SPATA16: variants seen among roughly 807,000 people sequenced by gnomAD.
The protein encoded by SPATA16 is spermatogenesis-associated protein 16.
A neutral mutation model predicts 63.3 loss-of-function variants in SPATA16; 36 were observed. The observed-to-expected ratio is 0.57, with a 90% CI of 0.44 to 0.75. SPATA16 has a LOEUF of 0.75. Ranked by LOEUF, SPATA16 falls within the 30% of genes least tolerant of loss-of-function variation. SPATA16 has a pLI of 0.00. For synonymous variants in SPATA16, 203 were observed against 216.7 expected (o/e 0.94, Z 0.56); for missense variants, 646 against 679.3 (o/e 0.95, Z 0.54).
intron 2 of SPATA16, among the ~76,000 whole-genome samples, chr3:173,099,302 C>G (rs746838694): frequency 4.4e-4 from 67 of 152,098 alleles, no homozygotes; most frequent in Non-Finnish European, 5.3e-4. Flanking sequence ...GAGACAGAGA[C>G]AGACCATATT....
chr3:173,039,269 A>C (rs1735784881), intron 3 of SPATA16, among the ~76,000 whole-genome samples: 1 of 152,174 alleles, frequency 6.6e-6, no homozygotes, highest in African/African-American at 2.4e-5. Context: ...GATATATTAG[A>C]AAGTAAAAAA....
At chr3:172,912,726 A>G (rs1031622353) in intron 10 of SPATA16, among the ~76,000 whole-genome samples, 1 of 152,204 alleles carries the variant, frequency 6.6e-6, no homozygotes, top group African/African-American at 2.4e-5. Context: ...CATATATACA[A>G]TACGTGTGAA....
rs1404724036 is a variant in SPATA16, at chr3:173,066,499, A to G, written c.613-17405T>C. Among the ~76,000 whole-genome samples the G allele has an allele frequency of 2.6e-5, 4 of 152,244 alleles. No individual in the cohort carries two copies. The South Asian group carries it at 8.3e-4, about 32-fold the overall frequency. On this transcript the variant is annotated intron_variant, in intron 2 of 10. Transcript: ENST00000351008. ...ACTGGGGGAAAGAGGGAAGGGAGCA[A>G]AAGACATTTCCTAGTAAGCCAGGGA...
chr3:172,910,037 TACA>T lies in SPATA16; in HGVS notation c.1587+3621_1587+3623del, dbSNP rs371365606. 6.8e-3 allele frequency among the ~76,000 whole-genome samples: 1,031 copies of T among 152,104 alleles called. 8 individuals are homozygous for T. The highest frequency in any genetic ancestry group is 0.011 in the Non-Finnish European group (724 of 67,988). ...GATTTGTAAATACAAATATTTACTG[TACA>T]AATGCAATTTTTTTGGGAGAGGTAA... On this transcript the variant is annotated intron_variant, in intron 10 of 10. Coordinates refer to ENST00000351008, the MANE Select transcript of SPATA16 (RefSeq NM_031955.6).
At chr3:172,929,441 G>A (rs1399079035) in intron 6 of SPATA16, among the ~76,000 whole-genome samples, 1 of 152,076 alleles carries the variant, frequency 6.6e-6, no homozygotes, top group Admixed American at 6.5e-5. Context: ...ATATTTTATT[G>A]TACTCCAGAA....
intron 3 of SPATA16, among the ~76,000 whole-genome samples, chr3:173,042,807 A>G (rs185802176): frequency 2.0e-4 from 30 of 152,248 alleles, no homozygotes; most frequent in African/African-American, 6.5e-4. Flanking sequence ...TTAATTTCCA[A>G]GTATTTGGAG....
At chr3:173,008,489 C>T (rs1157198209) in intron 4 of SPATA16, among the ~76,000 whole-genome samples, 2 of 152,044 alleles carry the variant, frequency 1.3e-5, no homozygotes, top group Non-Finnish European at 2.9e-5. Flanking sequence ...AGAGCTGTTG[C>T]AATTGTCTGA....
rs16846616 is a variant in SPATA16, at chr3:173,117,292, C to T, written c.440G>A (p.Gly147Glu). Residue 147 changes from glycine (G) to glutamate (E), a missense_variant, in exon 2 of 11, where the codon GGG becomes GAG. Physicochemically the swap from Gly to Glu is moderately conservative, Grantham distance 98. Coordinates refer to ENST00000351008, the MANE Select transcript of SPATA16 (RefSeq NM_031955.6). ...YEFVESFMST[G>E]SQPTCQAAEI... ...AGCAGCTTGGCATGTTGGCTGACTC[C>T]CAGTAGACATGAAGGACTCTACAAA... 0.12 allele frequency: 190,166 copies of T among 1,613,978 alleles called. 12,919 individuals are homozygous for T. The highest frequency in any genetic ancestry group is 0.32 in the East Asian group (14,258 of 44,848).
rs1425281408 is a variant in SPATA16, at chr3:172,925,553, T to C, written c.1082-61A>G. 5.6e-6 allele frequency: 9 copies of C among 1,607,066 alleles called. No homozygotes were observed. In the Admixed American group the frequency reaches 1.5e-4, roughly 27 times the overall value. On this transcript the variant is annotated intron_variant, in intron 6 of 10. Transcript: ENST00000351008. ...TTATGGTTTTAATATTTTTAGGGTT[T>C]TCCCCCCCAGATTTCAGGAATTGTA...
intron 2 of SPATA16, among the ~76,000 whole-genome samples, chr3:173,107,470 T>C (rs1350355773): frequency 1.3e-5 from 2 of 151,650 alleles, no homozygotes. Context: ...TTTTTTTTTT[T>C]ACTCCCTAAG....
At chr3:173,016,942 A>C (rs528213535) in intron 4 of SPATA16, among the ~76,000 whole-genome samples, 1 of 151,708 alleles carries the variant, frequency 6.6e-6, no homozygotes, top group African/African-American at 2.4e-5. Flanking sequence ...TGAACCTGAG[A>C]GGTGGAGGTT....
At chr3:172,918,853 C>T (rs923554472) in intron 8 of SPATA16, among the ~76,000 whole-genome samples, 1 of 151,928 alleles carries the variant, frequency 6.6e-6, no homozygotes, top group Non-Finnish European at 1.5e-5. Flanking sequence ...AGGTTTCAGT[C>T]AGAGAACTGT....
chr3:172,982,381 T>C (rs1250089520), intron 4 of SPATA16, among the ~76,000 whole-genome samples: 2 of 152,216 alleles, frequency 1.3e-5, no homozygotes, highest in Non-Finnish European at 2.9e-5. Flanking sequence ...GATGTATTTA[T>C]GGCATAAATT....
At chr3:173,078,919 C>G (rs1736867458) in intron 2 of SPATA16, among the ~76,000 whole-genome samples, 1 of 152,116 alleles carries the variant, frequency 6.6e-6, no homozygotes, top group African/African-American at 2.4e-5. Context: ...GAAAACAGGT[C>G]TGCAGACAAG....
At chr3:172,950,408 TAAG>T (rs1412547548) in intron 6 of SPATA16, among the ~76,000 whole-genome samples, 4 of 152,340 alleles carry the variant, frequency 2.6e-5, no homozygotes, top group African/African-American at 7.2e-5. Context: ...TTTCTGATTC[TAAG>T]AAGAATTCTG....
chr3:172,912,348 G>C (rs1732387190), intron 10 of SPATA16, among the ~76,000 whole-genome samples: 1 of 152,158 alleles, frequency 6.6e-6, no homozygotes, highest in Admixed American at 6.5e-5. Context: ...ATACAGGCAA[G>C]AGCTGTGCCT....
chr3:173,032,679 C>T (rs1034193846), intron 3 of SPATA16, among the ~76,000 whole-genome samples: 1 of 152,102 alleles, frequency 6.6e-6, no homozygotes, highest in Non-Finnish European at 1.5e-5. Flanking sequence ...TCTTTAGAGG[C>T]ATGCAGTGAA....
intron 1 of SPATA16, among the ~76,000 whole-genome samples, chr3:173,129,066 T>G (rs972419387): frequency 6.6e-6 from 1 of 152,258 alleles, no homozygotes; most frequent in African/African-American, 2.4e-5. Flanking sequence ...GAACGAATTA[T>G]TGGTAGACAT....
intron 1 of SPATA16, among the ~76,000 whole-genome samples, chr3:173,122,032 G>A (rs1354473266): frequency 6.6e-6 from 1 of 152,096 alleles, no homozygotes; most frequent in African/African-American, 2.4e-5. Context: ...CATTATGTAT[G>A]TCAAAGAAGT....
Sources: allele counts gnomAD v4.1 joint callset (sites outside exome capture counted in the v4.1 genomes callset), GRCh38; gene constraint gnomAD v4.1.1; transcripts MANE v1.5; gene names NCBI Gene and HGNC (gene_info 2026-07-23, HGNC 2026-07-21).